Variants in PTGER3 observed in about 807,000 individuals in gnomAD.
PTGER3 encodes prostaglandin E receptor 3, also known as prostaglandin E2 receptor EP3 subtype.
Under a neutral mutation model 34.7 loss-of-function variants are expected in PTGER3, and 22 were observed. The observed-to-expected ratio is 0.63, with a 90% CI of 0.45 to 0.91. PTGER3 has a LOEUF of 0.91. Ranked by LOEUF, PTGER3 falls within the 40% of genes least tolerant of loss-of-function variation. PTGER3 has a pLI of 0.00. For missense variants in PTGER3, 468 were observed against 519.4 expected, an observed-to-expected ratio of 0.90 and a Z score of 0.96; for synonymous variants, 241 against 230.1, an observed-to-expected ratio of 1.05 and a Z score of -0.43.
At chr1:70,952,899 T>C in exon 4 of PTGER3, 10 of 1,600,600 alleles carry the variant, frequency 6.2e-6, no homozygotes, top group Non-Finnish European at 8.5e-6. Context: ...GTAGTTATTT[T>C]CTTCATGTTA....
intron 4 of PTGER3, among the ~76,000 whole-genome samples, chr1:70,937,693 A>G (rs1242208166): frequency 1.3e-5 from 2 of 151,960 alleles, no homozygotes; most frequent in African/African-American, 2.4e-5. Context: ...TAGTGCTGTG[A>G]CTCTCTATAT....
intron 1 of PTGER3, among the ~76,000 whole-genome samples, chr1:71,023,631 T>C (rs1658623162): frequency 6.6e-6 from 1 of 151,890 alleles, no homozygotes; most frequent in African/African-American, 2.4e-5. Context: ...CTTATCTTTT[T>C]CCTCAAAGGT....
chr1:71,016,497 T>C (rs1405342569), intron 1 of PTGER3, among the ~76,000 whole-genome samples: 1 of 152,154 alleles, frequency 6.6e-6, no homozygotes, highest in Non-Finnish European at 1.5e-5. Flanking sequence ...CAATATAATT[T>C]AATTTTAAAA....
intron 2 of PTGER3, among the ~76,000 whole-genome samples, chr1:70,959,913 T>C (rs923608131): frequency 6.6e-6 from 1 of 152,092 alleles, no homozygotes; most frequent in Non-Finnish European, 1.5e-5. Flanking sequence ...TGCGACCTTA[T>C]TTGAAAATAA....
chr1:70,985,114 T>C (rs926492688), intron 2 of PTGER3, among the ~76,000 whole-genome samples: 1 of 152,068 alleles, frequency 6.6e-6, no homozygotes, highest in Non-Finnish European at 1.5e-5. Context: ...GGAGACAGCA[T>C]AGAAAGAGGA....
chr1:71,000,438 G>A (rs1160416014), intron 2 of PTGER3, among the ~76,000 whole-genome samples: 1 of 152,134 alleles, frequency 6.6e-6, no homozygotes, highest in Non-Finnish European at 1.5e-5. Context: ...TCTTTAAAAC[G>A]TTGTTAGTGT....
intron 1 of PTGER3, among the ~76,000 whole-genome samples, chr1:71,039,342 G>A (rs986749851): frequency 6.6e-6 from 1 of 151,998 alleles, no homozygotes; most frequent in Non-Finnish European, 1.5e-5. Flanking sequence ...TGGTGGCAGG[G>A]GGAGGGAAGG....
At chr1:70,962,743 G>C (rs546793761) in intron 2 of PTGER3, among the ~76,000 whole-genome samples, 2 of 152,244 alleles carry the variant, frequency 1.3e-5, no homozygotes, top group African/African-American at 4.8e-5. Flanking sequence ...GGGAATTCTG[G>C]GAGCTACACT....
At chr1:70,949,011 T>C (rs1650486920), downstream of PTGER3, among the ~76,000 whole-genome samples, 1 of 152,182 alleles carries the variant, frequency 6.6e-6, no homozygotes, top group Admixed American at 6.5e-5. Context: ...TGGATTCAAA[T>C]AGAGTTTGCA....
downstream of PTGER3, among the ~76,000 whole-genome samples, chr1:70,950,078 A>G (rs774412206): frequency 2.8e-4 from 42 of 152,336 alleles, no homozygotes; most frequent in Non-Finnish European, 3.8e-4. Flanking sequence ...AAGAAGGGTC[A>G]GGAAAATTTT....
chr1:70,899,668 T>C (rs1217634886), intron 4 of PTGER3, among the ~76,000 whole-genome samples: 2 of 151,962 alleles, frequency 1.3e-5, no homozygotes, highest in African/African-American at 2.4e-5. Context: ...GAACAAACTA[T>C]ATTTGGGTTT....
chr1:70,985,724 C>A (rs749446039), intron 2 of PTGER3, among the ~76,000 whole-genome samples: 3 of 152,170 alleles, frequency 2.0e-5, no homozygotes, highest in South Asian at 2.1e-4. Flanking sequence ...CTCTTCTTCC[C>A]CTGGACCCTT....
intron 4 of PTGER3, chr1:70,884,074 A>T (rs1557628488): frequency 7.5e-6 from 3 of 401,704 alleles, no homozygotes; most frequent in Non-Finnish European, 1.5e-5. Context: ...GTGAGAGAGC[A>T]AGACTCCATC....
chr1:70,924,429 T>C (rs1312701075), intron 4 of PTGER3, among the ~76,000 whole-genome samples: 1 of 152,182 alleles, frequency 6.6e-6, no homozygotes, highest in African/African-American at 2.4e-5. Context: ...TTCTGTAATT[T>C]AGGCTAACCC....
intron 4 of PTGER3, among the ~76,000 whole-genome samples, chr1:70,903,692 G>A (rs992024791): frequency 1.3e-5 from 2 of 152,158 alleles, no homozygotes; most frequent in Non-Finnish European, 2.9e-5. Context: ...GTCTTTTGCA[G>A]GCCCAGACTG....
chr1:70,973,129 T>G (rs1178617218), intron 3 of PTGER3, among the ~76,000 whole-genome samples: 7 of 148,840 alleles, frequency 4.7e-5, no homozygotes, highest in African/African-American at 1.8e-4. Flanking sequence ...CACGTGTGTG[T>G]GTGTGTGTGT....
chr1:70,906,154 G>C (rs1290511235), intron 4 of PTGER3, among the ~76,000 whole-genome samples: 1 of 152,152 alleles, frequency 6.6e-6, no homozygotes, highest in African/African-American at 2.4e-5. Context: ...CAGCCATGTG[G>C]AACTGTGAGT....
chr1:70,879,402 G>A (rs1257530888), intron 4 of PTGER3, among the ~76,000 whole-genome samples: 2 of 151,970 alleles, frequency 1.3e-5, no homozygotes, highest in Non-Finnish European at 2.9e-5. Context: ...GTGAGCCACA[G>A]CATCTGGCTA....
intron 2 of PTGER3, among the ~76,000 whole-genome samples, chr1:70,981,135 G>A (rs2100722538): frequency 6.6e-6 from 1 of 152,174 alleles, no homozygotes; most frequent in African/African-American, 2.4e-5. Flanking sequence ...TCCAATAATG[G>A]TGGACAATAG....
Sources: allele counts gnomAD v4.1 joint callset (sites outside exome capture counted in the v4.1 genomes callset), GRCh38; gene constraint gnomAD v4.1.1; transcripts MANE v1.5; gene names NCBI Gene and HGNC (gene_info 2026-07-23, HGNC 2026-07-21).